The following WNK3 variants were observed in gnomAD, a reference collection of about 807,000 sequenced individuals.
WNK3 encodes WNK lysine deficient protein kinase 3.
In WNK3, 18 loss-of-function variants were observed where a neutral mutation model predicts 116.7. The ratio of observed to expected loss-of-function variants is 0.15; its 90% CI spans 0.11 to 0.23. The LOEUF (loss-of-function observed/expected upper bound fraction) is 0.23. Ranked by LOEUF, WNK3 falls within the 10% of genes least tolerant of loss-of-function variation. The pLI is 1.00. For synonymous variants in WNK3, 404 were observed against 469.4 expected (o/e 0.86, Z 1.80); for missense variants, 993 against 1,323.8 (o/e 0.75, Z 3.88).
intron 22 of WNK3, among the ~76,000 whole-genome samples, chrX:54,225,493 C>T (rs974261794): frequency 2.8e-5 from 3 of 105,813 alleles, no homozygotes; most frequent in East Asian, 3.0e-4. Flanking sequence ...TGGTGGTGCA[C>T]GTCTGTAATC....
At chrX:54,347,575 G>T (rs1271252859) in intron 1 of WNK3, among the ~76,000 whole-genome samples, 1 of 108,469 alleles carries the variant, frequency 9.2e-6, no homozygotes, top group African/African-American at 3.3e-5. Context: ...GCTTGAGCCT[G>T]GGAGGTTGAG....
intron 22 of WNK3, among the ~76,000 whole-genome samples, chrX:54,216,723 A>T (rs1471194406): frequency 8.9e-6 from 1 of 111,917 alleles, no homozygotes; most frequent in African/African-American, 3.2e-5. Flanking sequence ...AAACTGTCTG[A>T]AGTTTGATCT....
intron 1 of WNK3, 71 bp from the exon 2 acceptor site, chrX:54,333,863 T>C (rs2069201586): frequency 1.9e-5 from 8 of 413,355 alleles, no homozygotes; most frequent in Non-Finnish European, 2.5e-5. Context: ...ACAAATCACC[T>C]GATTTTTTAA....
At chrX:54,349,206 C>T (rs1260748002) in intron 1 of WNK3, among the ~76,000 whole-genome samples, 1 of 111,427 alleles carries the variant, frequency 9.0e-6, no homozygotes, top group African/African-American at 3.3e-5. Context: ...GGCATGGTGG[C>T]GCACGCCTGC....
intron 17 of WNK3, among the ~76,000 whole-genome samples, chrX:54,242,742 G>A (rs1368406495): frequency 9.0e-6 from 1 of 111,651 alleles, no homozygotes; most frequent in Non-Finnish European, 1.9e-5. Context: ...AACGAAGCTG[G>A]ACCCTTGTCT....
At chrX:54,336,282 T>C (rs782315304) in intron 1 of WNK3, among the ~76,000 whole-genome samples, 6 of 110,586 alleles carry the variant, frequency 5.4e-5, no homozygotes, top group Admixed American at 4.9e-4. Flanking sequence ...ATCTCACCAC[T>C]GCACTCCAGC....
At position 54,251,457 on chromosome X, in the gene WNK3, T is replaced by A; in HGVS notation, c.2524-7A>T. On this transcript the variant is annotated splice_polypyrimidine_tract_variant and splice_region_variant and intron_variant, in intron 14 of 23. Transcript: ENST00000354646. ...CTTGTTCAGATGACCCTGTCTGAAT[T>A]AAAAATGAATAGATAAATTAAAAAG... The A allele has an allele frequency of 8.4e-7, 1 of 1,189,456 alleles. No homozygotes were observed. The highest frequency in any genetic ancestry group is 1.1e-6 in the Non-Finnish European group (1 of 880,225).
chrX:54,352,436 G>C (rs2069529141), intron 1 of WNK3, among the ~76,000 whole-genome samples: 1 of 110,827 alleles, frequency 9.0e-6, no homozygotes, highest in African/African-American at 3.3e-5. Context: ...TACTTTGAGA[G>C]GCTAAGGCAG....
exon 24 of WNK3, chrX:54,196,448 G>A (rs2067444132): frequency 1.1e-5 from 1 of 89,561 alleles, no homozygotes; most frequent in Admixed American, 1.2e-4. Flanking sequence ...ATGTCACAAA[G>A]TAGACTGTGC....
intron 1 of WNK3, among the ~76,000 whole-genome samples, chrX:54,353,211 C>A (rs782209903): frequency 3.6e-5 from 4 of 111,785 alleles, no homozygotes; most frequent in African/African-American, 1.3e-4. Context: ...GTAATCCCAG[C>A]TCTTTGGGAA....
chrX:54,261,992 GA>G (rs782157716), intron 10 of WNK3, among the ~76,000 whole-genome samples: 1 of 111,659 alleles, frequency 9.0e-6, no homozygotes, highest in Non-Finnish European at 1.9e-5. Context: ...AGTCCTACCA[GA>G]GGTTTGTGAA....
exon 2 of WNK3, chrX:54,333,514 C>T (rs2147262531): frequency 8.3e-7 from 1 of 1,211,722 alleles, no homozygotes; most frequent in East Asian, 3.0e-5. Context: ...CTCTTCCTTT[C>T]TACAGTTTCC....
intron 1 of WNK3, among the ~76,000 whole-genome samples, chrX:54,355,727 CCTTATCTCATTCCATT>C (rs1274198591): frequency 1.8e-5 from 2 of 111,283 alleles, no homozygotes; most frequent in African/African-American, 6.5e-5. Context: ...AAGATTCCAG[CCTTATCTCATTCCATT>C]CTCCAAATAT....
At chrX:54,266,049 G>A (rs2068307413) in intron 10 of WNK3, among the ~76,000 whole-genome samples, 1 of 112,185 alleles carries the variant, frequency 8.9e-6, no homozygotes, top group African/African-American at 3.2e-5. Flanking sequence ...TGAAGGTGTT[G>A]AGAAGTCAGG....
At chrX:54,288,445 G>A (rs1557164381) in intron 10 of WNK3, among the ~76,000 whole-genome samples, 2 of 111,591 alleles carry the variant, frequency 1.8e-5, no homozygotes, top group Non-Finnish European at 3.8e-5. Context: ...TGGGTTTCCT[G>A]TGCTTGTCTA....
At chrX:54,354,330 T>C (rs1306077633) in intron 1 of WNK3, among the ~76,000 whole-genome samples, 1 of 111,978 alleles carries the variant, frequency 8.9e-6, no homozygotes, top group South Asian at 3.7e-4. Flanking sequence ...CAAACAAAGG[T>C]GGAAAAGACC....
intron 10 of WNK3, 125 bp from the exon 11 acceptor site, chrX:54,259,463 G>C: frequency 3.0e-6 from 1 of 338,033 alleles, no homozygotes; most frequent in Non-Finnish European, 5.2e-6. Context: ...GAATATCTAT[G>C]TTATTGAATG....
intron 1 of WNK3, among the ~76,000 whole-genome samples, chrX:54,349,829 A>AGGAGT (rs2069489542): frequency 9.0e-6 from 1 of 111,077 alleles, no homozygotes; most frequent in South Asian, 3.8e-4. Flanking sequence ...GCAGTGAACT[A>AGGAGT]TGACCATGCC....
Position 54,343,310 on chromosome X carries a change from C to T in WNK3, c.-119-9518G>A, listed in dbSNP as rs781845737. ...GATCACGAGGTCAGGAGTTCAAGATCAGCCTGGCCAAGCTGATGAAACCCC... is the reference window on the plus strand; with the variant it reads ...GATCACGAGGTCAGGAGTTCAAGATTAGCCTGGCCAAGCTGATGAAACCCC... On this transcript the variant is annotated intron_variant, in intron 1 of 23. Coordinates refer to ENST00000354646, the Ensembl canonical transcript of WNK3. 1.1e-4 allele frequency among the ~76,000 whole-genome samples: 12 copies of T among 110,506 alleles called. No homozygotes were observed. The South Asian group carries it at 4.3e-3, about 40-fold the overall frequency.
Sources: allele counts gnomAD v4.1 joint callset (sites outside exome capture counted in the v4.1 genomes callset), GRCh38; gene constraint gnomAD v4.1.1; transcripts MANE v1.5; gene names NCBI Gene and HGNC (gene_info 2026-07-23, HGNC 2026-07-21).